Variants in SFRP5 observed in about 807,000 individuals in gnomAD.
SFRP5 encodes secreted frizzled related protein 5.
Under a neutral mutation model 27.0 loss-of-function variants are expected in SFRP5, and 22 were observed. The ratio of observed to expected loss-of-function variants is 0.82; its 90% CI spans 0.58 to 1.17. SFRP5 has a LOEUF of 1.17. Ranked by LOEUF, SFRP5 falls within the 50% of genes most tolerant of loss-of-function variation. The probability of loss-of-function intolerance (pLI) is 0.00; values close to 1 mark genes in which losing one functional copy is unlikely to be tolerated. For missense variants in SFRP5, 406 were observed against 436.6 expected, an observed-to-expected ratio of 0.93 and a Z score of 0.63; for synonymous variants, 171 against 195.0, an observed-to-expected ratio of 0.88 and a Z score of 1.03.
In SFRP5 at chr10:97,767,404, A is replaced by G. The variant is rs945239018; in HGVS notation, c.*110T>C. On this transcript the variant is annotated 3_prime_UTR_variant, in exon 3 of 3. Coordinates refer to ENST00000266066, the MANE Select transcript of SFRP5 (RefSeq NM_003015.3). ...GTGCCCATCCCTTAGGCCTTGTGCCAGTAACAACATTCGTGAAAACACCCT... is the reference window on the plus strand; with the variant it reads ...GTGCCCATCCCTTAGGCCTTGTGCCGGTAACAACATTCGTGAAAACACCCT... The G allele has an allele frequency of 2.4e-6, 2 of 824,202 alleles. No homozygotes were observed. Among genetic ancestry groups the G allele is most frequent in the African/African-American group, 3.4e-5 (2 of 58,012 alleles). 51.1% of individuals were successfully genotyped at this position (824,202 alleles called of 1,614,324 possible). A position where few individuals can be genotyped will look rare whatever the true frequency, so the allele number is the denominator to read the frequency against.
intron 2 of SFRP5, 114 bp downstream of exon 2, chr10:97,769,554 C>G (rs1590135226): frequency 4.2e-6 from 3 of 722,782 alleles, no homozygotes. Context: ...AGCCATGATG[C>G]AAAAACTGTT....
Position 97,767,697 on chromosome 10 carries a change from C to G in SFRP5, c.771G>C (p.Gln257His). The G allele has an allele frequency of 1.2e-6, 2 of 1,614,026 alleles. No individual in the cohort carries two copies. The highest frequency in any genetic ancestry group is 2.2e-5 in the South Asian group (2 of 91,066). The change falls in exon 3 of 3, where the codon CAG becomes CAC. Residue 257 changes from glutamine (Q) to histidine (H), a missense_variant. By Grantham distance (24) the Gln-to-His change is conservative. Transcript: ENST00000266066. ...GGAAGCTGCCCGCCAGGCTGTCCAGCTGTGGGCAGGGGCAGCCCGCGCCAT... is the reference window on the plus strand; with the variant it reads ...GGAAGCTGCCCGCCAGGCTGTCCAGGTGTGGGCAGGGGCAGCCCGCGCCAT... ...MKNGAGCPCPQLDSLAGSFLV... is the reference protein window; with the variant it reads ...MKNGAGCPCPHLDSLAGSFLV...
At chr10:97,768,906 T>C (rs558539729) in intron 2 of SFRP5, among the ~76,000 whole-genome samples, 7 of 152,276 alleles carry the variant, frequency 4.6e-5, no homozygotes, top group African/African-American at 1.7e-4. Flanking sequence ...TCATAAAATC[T>C]TGTTCCTTCT....
At chr10:97,770,445 G>C (rs928877276) in intron 1 of SFRP5, among the ~76,000 whole-genome samples, 13 of 152,190 alleles carry the variant, frequency 8.5e-5, no homozygotes, top group African/African-American at 2.7e-4. Context: ...GGGGAGGAAG[G>C]GGGAGAGGGC....
chr10:97,770,569 C>T (rs1321247712), intron 1 of SFRP5, among the ~76,000 whole-genome samples: 2 of 152,152 alleles, frequency 1.3e-5, no homozygotes, highest in African/African-American at 2.4e-5. Flanking sequence ...GACTTAGGAC[C>T]TCATAGGTTT....
chr10:97,771,932 AGCCGCCGCCGCC>A lies in SFRP5; in HGVS notation c.-111_-100del. ...TGCGCCCCCGGCCCTGACTCTACCC[AGCCGCCGCCGCC>A]GCCGCCGCGGAGGTCGCCCAGGTGG... On this transcript the variant is annotated 5_prime_UTR_variant, in exon 1 of 3. Coordinates refer to ENST00000266066, the MANE Select transcript of SFRP5 (RefSeq NM_003015.3). This position sits in a 1 kb window ranked among gnomAD's most constrained non-coding sequence, Gnocchi z 5.2. 1.2e-6 allele frequency: 1 copy of A among 822,204 alleles called. No individual in the cohort carries two copies. The highest frequency in any genetic ancestry group is 1.5e-6 in the Non-Finnish European group (1 of 680,770). The allele number at this position is 822,204 out of a possible 1,614,324, so 50.9% of individuals were successfully genotyped here.
chr10:97,771,989 G>A lies in SFRP5; in HGVS notation c.-156C>T, dbSNP rs1318636246. Reference sequence around the variant, plus strand: ...AGGTGGGTGGCAGCCTGCGCTGCGGGCGCCCCGACTGATCCTGGCGCCTCC... The same window carrying A: ...AGGTGGGTGGCAGCCTGCGCTGCGGACGCCCCGACTGATCCTGGCGCCTCC... On this transcript the variant is annotated 5_prime_UTR_variant, in exon 1 of 3. Transcript: ENST00000266066. The surrounding 1 kb of genome is among the most constrained non-coding windows in gnomAD (Gnocchi z 5.2). 1.3e-4 allele frequency: 54 copies of A among 428,770 alleles called. No homozygotes were observed. The highest frequency in any genetic ancestry group is 1.3e-4 in the Non-Finnish European group (43 of 319,080). The allele number at this position is 428,770 out of a possible 1,614,324, so 26.6% of individuals were successfully genotyped here. A position where few individuals can be genotyped will look rare whatever the true frequency, so the allele number is the denominator to read the frequency against.
intron 1 of SFRP5, 59 bp from the exon 2 acceptor site, chr10:97,769,804 A>C: frequency 3.2e-6 from 4 of 1,263,684 alleles, no homozygotes; most frequent in Non-Finnish European, 4.6e-6. Context: ...TGGAGTTCCA[A>C]GAGCCACTTG....
At position 97,767,437 on chromosome 10, in the gene SFRP5, G is replaced by T. The variant is rs1302750245; in HGVS notation, c.*77C>A. On this transcript the variant is annotated 3_prime_UTR_variant, in exon 3 of 3. Transcript: ENST00000266066. ...CATTCGTGAAAACACCCTCCAGTAG[G>T]GCCGGGTCAGCCTGGAAGTTGGGGC... 1 of 1,156,956 alleles carries T rather than the reference G, an allele frequency of 8.6e-7. No homozygotes were observed. The highest frequency in any genetic ancestry group is 1.2e-6 in the Non-Finnish European group (1 of 811,498). 71.7% of individuals were successfully genotyped at this position (1,156,956 alleles called of 1,614,324 possible). A position where few individuals can be genotyped will look rare whatever the true frequency, so the allele number is the denominator to read the frequency against.
At chr10:97,767,925 C>CA in intron 2 of SFRP5, 65 bp from the exon 3 acceptor site, 2 of 1,285,616 alleles carry the variant, frequency 1.6e-6, no homozygotes, top group Admixed American at 4.7e-5. Context: ...CTGGTGGGCA[C>CA]AGAGTTGGTG....
intron 1 of SFRP5, among the ~76,000 whole-genome samples, chr10:97,770,297 T>G (rs1384801694): frequency 1.3e-5 from 2 of 152,228 alleles, no homozygotes; most frequent in African/African-American, 4.8e-5. Flanking sequence ...CTAGAACTCC[T>G]GACCTCAAGT....
chr10:97,769,784 G>T, intron 1 of SFRP5, 39 bp from the exon 2 acceptor site: 1 of 1,497,970 alleles, frequency 6.7e-7, no homozygotes, highest in Non-Finnish European at 9.3e-7. Context: ...GGGACAGTTG[G>T]TGAGGGGATT....
In SFRP5 at chr10:97,771,671, C is replaced by T. The variant is rs776900882; in HGVS notation, c.163G>A (p.Asp55Asn). Residue 55 changes from aspartate to asparagine, a missense_variant, in exon 1 of 3, where the codon GAC becomes AAC. Transcript: ENST00000266066. The surrounding 1 kb of genome is among the most constrained non-coding windows in gnomAD (Gnocchi z 5.2). ...CAGAGCGGCAGGTCGGCAGGGATGT[C>T]AAGGCACTGCGGCGGCTTGGAGTAG... ...RSYSKPPQCL[D>N]IPADLPLCHT... 4 of 1,602,276 alleles carry T rather than the reference C, an allele frequency of 2.5e-6. No homozygotes were observed. The East Asian group carries it at 8.9e-5, about 36-fold the overall frequency.
intron 2 of SFRP5, among the ~76,000 whole-genome samples, chr10:97,768,958 A>G (rs1447856807): frequency 6.6e-6 from 1 of 152,188 alleles, no homozygotes; most frequent in Non-Finnish European, 1.5e-5. Flanking sequence ...TCTGACACAC[A>G]CATACACCCC....
In SFRP5 at chr10:97,767,716, G is replaced by T. The variant is rs563023223; in HGVS notation, c.752C>A (p.Ala251Glu). ...KRLVLHMKNGAGCPCPQLDSL... is the reference protein window; with the variant it reads ...KRLVLHMKNGEGCPCPQLDSL... Reference sequence around the variant, plus strand: ...GTCCAGCTGTGGGCAGGGGCAGCCCGCGCCATTCTTCATGTGCAGCACCAG... The same window carrying T: ...GTCCAGCTGTGGGCAGGGGCAGCCCTCGCCATTCTTCATGTGCAGCACCAG... Residue 251 changes from alanine to glutamate, a missense_variant, in exon 3 of 3, where the codon GCG becomes GAG. By Grantham distance (107) the Ala-to-Glu change is moderately radical (BLOSUM62 -1). Coordinates refer to ENST00000266066, the MANE Select transcript of SFRP5 (RefSeq NM_003015.3). 1.2e-6 allele frequency: 2 copies of T among 1,613,714 alleles called. No individual in the cohort carries two copies. The highest frequency in any genetic ancestry group is 1.7e-6 in the Non-Finnish European group (2 of 1,179,842).
rs1348813584 is a variant in SFRP5 at position 97,771,507 on chromosome 10, G to GC, written c.326dup (p.Cys109TrpfsTer40). 2 of 1,609,918 alleles carry GC rather than the reference G, an allele frequency of 1.2e-6. No individual in the cohort carries two copies. The highest frequency in any genetic ancestry group is 1.7e-6 in the Non-Finnish European group (2 of 1,177,092). On this transcript the variant is annotated frameshift_variant, in exon 1 of 3. Transcript: ENST00000266066. LOFTEE classifies it high-confidence loss of function. The surrounding 1 kb of genome is among the most constrained non-coding windows in gnomAD (Gnocchi z 5.2). ...CGAGACAGACGGGCGCAAAGAGCGA[G>GC]CACAGGAAGACCTGCGTATCCGAGT...
chr10:97,767,339 AC>A lies in SFRP5; in HGVS notation c.*174del, dbSNP rs374059866. ...AGAGAGGAAGCCCAACATCCCAGGG[AC>A]CCCAGGACCCCTGGGTCAAAAAGGA... On this transcript the variant is annotated 3_prime_UTR_variant, in exon 3 of 3. Coordinates refer to ENST00000266066, the MANE Select transcript of SFRP5 (RefSeq NM_003015.3). 289 of 550,590 alleles carry A rather than the reference AC, an allele frequency of 5.2e-4. 1 individual carries two copies. The highest frequency in any genetic ancestry group is 5.1e-3 in the African/African-American group (269 of 52,822). The allele number at this position is 550,590 out of a possible 1,614,324, so 34.1% of individuals were successfully genotyped here.
In SFRP5 at chr10:97,771,219, G is replaced by A; in HGVS notation, c.529+86C>T. On this transcript the variant is annotated intron_variant, in intron 1 of 2. Coordinates refer to ENST00000266066, the MANE Select transcript of SFRP5 (RefSeq NM_003015.3). The surrounding 1 kb of genome is among the most constrained non-coding windows in gnomAD (Gnocchi z 5.2). The stretch of plus-strand genomic sequence containing the variant: ...GTGTGTGTGTGGGCGGAGGGGGGGA[G>A]CTGCACCTCTTGGGGGGTTCGCAGA... 1.3e-6 allele frequency: 1 copy of A among 761,020 alleles called. No homozygotes were observed. Among genetic ancestry groups the A allele is most frequent in the Non-Finnish European group, 2.1e-6 (1 of 477,828 alleles). 47.1% of individuals were successfully genotyped at this position (761,020 alleles called of 1,614,324 possible).
chr10:97,771,758 G>A lies in SFRP5; in HGVS notation c.76C>T (p.Pro26Ser). 6.3e-7 allele frequency: 1 copy of A among 1,588,234 alleles called. No individual in the cohort carries two copies. Among genetic ancestry groups the A allele is most frequent in the Non-Finnish European group, 8.5e-7 (1 of 1,176,264 alleles). Residue 26 changes from proline to serine, a missense_variant, in exon 1 of 3, where the codon CCG (proline) becomes TCG (serine). Physicochemically the swap from Pro to Ser is moderately conservative, Grantham distance 74. Coordinates refer to ENST00000266066, the MANE Select transcript of SFRP5 (RefSeq NM_003015.3). This position sits in a 1 kb window ranked among gnomAD's most constrained non-coding sequence, Gnocchi z 5.2. ...TAGTCGTACTCCTCGCAGCGCGCCG[G>A]CGCCCAGTGCAGCGCCCCCAGCAGC... ...ALLLGALHWA[P>S]ARCEEYDYYG...
Sources: allele counts gnomAD v4.1 joint callset (sites outside exome capture counted in the v4.1 genomes callset), GRCh38; gene constraint gnomAD v4.1.1; non-coding constraint Gnocchi (gnomAD v3.1); transcripts MANE v1.5; gene names NCBI Gene and HGNC (gene_info 2026-07-23, HGNC 2026-07-21).